SULT2B1: variants seen among roughly 807,000 people sequenced by gnomAD.
The protein encoded by SULT2B1 is sulfotransferase 2B1.
A neutral mutation model predicts 33.2 loss-of-function variants in SULT2B1; 16 were observed. The observed-to-expected ratio is 0.48, with a 90% CI of 0.33 to 0.73. The LOEUF is 0.73. Ranked by LOEUF, SULT2B1 falls within the 30% of genes least tolerant of loss-of-function variation. The pLI, the probability that SULT2B1 is intolerant of heterozygous loss-of-function variation, is 0.02. For missense variants in SULT2B1, 500 were observed against 506.0 expected (o/e 0.99, Z 0.11); for synonymous variants, 186 against 200.5 (o/e 0.93, Z 0.61).
At chr19:48,581,352 CT>C (rs775565403) in intron 2 of SULT2B1, among the ~76,000 whole-genome samples, 67 of 149,666 alleles carry the variant, frequency 4.5e-4, no homozygotes, top group Non-Finnish European at 3.3e-4. Flanking sequence ...CCATATATTC[CT>C]TTTTGTTTGT....
chr19:48,565,295 G>T (rs1051858979), intron 1 of SULT2B1, among the ~76,000 whole-genome samples: 1 of 151,884 alleles, frequency 6.6e-6, no homozygotes, highest in African/African-American at 2.4e-5. Flanking sequence ...AACATTCCAG[G>T]CTGCATATTA....
rs939909569 is a variant in SULT2B1 at position 48,591,601 on chromosome 19, G to C, written c.424-8G>C. 2 of 1,608,756 alleles carry C rather than the reference G, an allele frequency of 1.2e-6. No individual in the cohort carries two copies. Among genetic ancestry groups the C allele is most frequent in the Admixed American group, 3.4e-5 (2 of 59,694 alleles). On this transcript the variant is annotated splice_region_variant and splice_polypyrimidine_tract_variant and intron_variant, in intron 3 of 6. Transcript: ENST00000201586. ...GCCTTCTCCCCTCTCCTCACCATCC[G>C]CACACAGGTGATCTACATGGGCCGC... is the stretch of plus-strand genomic sequence containing the variant.
intron 5 of SULT2B1, among the ~76,000 whole-genome samples, chr19:48,594,088 G>A (rs572605284): frequency 3.0e-4 from 45 of 151,568 alleles, no homozygotes; most frequent in Admixed American, 2.0e-4. Flanking sequence ...GTGAAACCCC[G>A]TCTCTGCTAA....
rs546140616 is a variant in SULT2B1, at chr19:48,599,139, C to T, written c.831C>T (p.Val277=). 8 of 1,577,724 alleles carry T rather than the reference C, an allele frequency of 5.1e-6. No homozygotes were observed. The African/African-American group carries it at 1.1e-4, about 21-fold the overall frequency. Reference sequence around the variant, plus strand: ...CTGGTGCCCCCTCTTCTCCAGGGGTCTGCGGCGACTGGAAGAACCACTTCA... The same window carrying T: ...CTGGTGCCCCCTCTTCTCCAGGGGTTTGCGGCGACTGGAAGAACCACTTCA... ...HRRGAFLRKG[V]CGDWKNHFTV... Residue 277 remains valine, a synonymous_variant, in exon 7 of 7, where the codon GTC becomes GTT. Coordinates refer to ENST00000201586, the MANE Select transcript of SULT2B1 (RefSeq NM_177973.2). This position sits in a 1 kb window ranked among gnomAD's most constrained non-coding sequence, Gnocchi z 4.1.
chr19:48,574,156 C>T (rs568707078), intron 1 of SULT2B1, among the ~76,000 whole-genome samples: 2 of 152,328 alleles, frequency 1.3e-5, no homozygotes, highest in Middle Eastern at 6.8e-3. Context: ...GCCACTGCGC[C>T]CAGCCCTTGA....
chr19:48,589,801 A>C (rs1387626478), intron 3 of SULT2B1, among the ~76,000 whole-genome samples: 1 of 152,176 alleles, frequency 6.6e-6, no homozygotes, highest in Non-Finnish European at 1.5e-5. Context: ...TCTACAAAAA[A>C]GTTTAAAAAT....
intron 2 of SULT2B1, among the ~76,000 whole-genome samples, chr19:48,586,939 C>G (rs1363186853): frequency 2.6e-5 from 4 of 151,828 alleles, no homozygotes; most frequent in Non-Finnish European, 5.9e-5. Flanking sequence ...GGGGAGACCT[C>G]GTCTCTACTA....
intron 2 of SULT2B1, 33 bp downstream of exon 2, chr19:48,576,116 G>A (rs1337182228): frequency 6.4e-7 from 1 of 1,560,734 alleles, no homozygotes; most frequent in Non-Finnish European, 8.8e-7. Context: ...CGGGGGCTGG[G>A]GAGAGTGGGG....
Position 48,577,674 on chromosome 19 carries a change from G to A in SULT2B1, c.214+1591G>A, listed in dbSNP as rs1431781056. ...CCCGGTCAATAAGTAGCATTTAAAT[G>A]ACCAAAGGGAAATAACAAAAACTCT... On this transcript the variant is annotated intron_variant, in intron 2 of 6. Coordinates refer to ENST00000201586, the MANE Select transcript of SULT2B1 (RefSeq NM_177973.2). Among the ~76,000 whole-genome samples, 7 of 151,874 alleles carry A rather than the reference G, an allele frequency of 4.6e-5. No individual in the cohort carries two copies. In the East Asian group the frequency reaches 1.4e-3, roughly 30 times the overall value.
In SULT2B1 at chr19:48,552,210, T is replaced by C; in HGVS notation, c.-43T>C. 6.2e-7 allele frequency: 1 copy of C among 1,600,106 alleles called. No homozygotes were observed. The highest frequency in any genetic ancestry group is 8.5e-7 in the Non-Finnish European group (1 of 1,169,744). Reference sequence around the variant, plus strand: ...GCGCACACCTGGCCTCTGTGCCGCCTGCTCCCTGCTCGTCCTCCCCTCCCC... The same window carrying C: ...GCGCACACCTGGCCTCTGTGCCGCCCGCTCCCTGCTCGTCCTCCCCTCCCC... On this transcript the variant is annotated 5_prime_UTR_variant, in exon 1 of 7. Coordinates refer to ENST00000201586, the MANE Select transcript of SULT2B1 (RefSeq NM_177973.2). This position sits in a 1 kb window ranked among gnomAD's most constrained non-coding sequence, Gnocchi z 4.8.
intron 3 of SULT2B1, among the ~76,000 whole-genome samples, chr19:48,588,603 AAC>A (rs530968953): frequency 0.012 from 1,806 of 149,824 alleles, 37 homozygotes; most frequent in African/African-American, 0.042. Flanking sequence ...TTATATGTTT[AAC>A]ATATAATAAC....
chr19:48,552,564 G>A lies in SULT2B1; in HGVS notation c.71+241G>A, dbSNP rs74845313. Among the ~76,000 whole-genome samples the A allele has an allele frequency of 4.6e-5, 7 of 152,128 alleles. No individual in the cohort carries two copies. Among genetic ancestry groups the A allele is most frequent in the South Asian group, 4.1e-4 (2 of 4,834 alleles). On this transcript the variant is annotated intron_variant, in intron 1 of 6. Transcript: ENST00000201586. The surrounding 1 kb of genome is among the most constrained non-coding windows in gnomAD (Gnocchi z 4.8). The stretch of plus-strand genomic sequence containing the variant: ...TGGGGATGCCTGGGGTGTCCCTGTC[G>A]CTCTCCGGGCCTCAGTTTTTCTGTC...
chr19:48,581,887 ATTATATTATTATTATTAT>A lies in SULT2B1; in HGVS notation c.215-5340_215-5323del, dbSNP rs1242746302. The stretch of plus-strand genomic sequence containing the variant: ...TCTCAGAGTATGTTTTATTATTATT[ATTATATTATTATTATTAT>A]TATTATTATTATTATTAGAGATGAA... On this transcript the variant is annotated intron_variant, in intron 2 of 6. Transcript: ENST00000201586. Among the ~76,000 whole-genome samples the A allele has an allele frequency of 3.2e-4, 33 of 104,568 alleles. No homozygotes were observed. In the South Asian group the frequency reaches 5.0e-3, roughly 16 times the overall value. The allele number at this position is 104,568 out of a possible 152,430, so 68.6% of individuals were successfully genotyped here. A position where few individuals can be genotyped will look rare whatever the true frequency, so the allele number is the denominator to read the frequency against.
At chr19:48,571,204 TTTATTTA>T in intron 1 of SULT2B1, among the ~76,000 whole-genome samples, 1 of 82,754 alleles carries the variant, frequency 1.2e-5, no homozygotes, top group Middle Eastern at 5.5e-3. Flanking sequence ...TATTTATTTA[TTTATTTA>T]TTTTGAGATG....
At position 48,575,959 on chromosome 19, in the gene SULT2B1, A is replaced by G. The variant is rs1973399285; in HGVS notation, c.90A>G (p.Glu30=). ...TCCACAGCCAGAAGTTGCCAGGTGA[A>G]TACTTCCGGTACAAGGGCGTCCCCT... ...ISEISQKLPG[E]YFRYKGVPFP... is the part of the protein sequence containing the mutation. Residue 30 remains glutamate (E), a synonymous_variant, in exon 2 of 7, where the codon GAA becomes GAG. Coordinates refer to ENST00000201586, the MANE Select transcript of SULT2B1 (RefSeq NM_177973.2). 1 of 1,613,088 alleles carries G rather than the reference A, an allele frequency of 6.2e-7. No homozygotes were observed. The highest frequency in any genetic ancestry group is 8.5e-7 in the Non-Finnish European group (1 of 1,179,304).
intron 1 of SULT2B1, among the ~76,000 whole-genome samples, chr19:48,567,112 C>G (rs1973254675): frequency 6.6e-6 from 1 of 152,130 alleles, no homozygotes; most frequent in Non-Finnish European, 1.5e-5. Flanking sequence ...TTTCCAGGTC[C>G]AGACTCATTT....
chr19:48,592,505 G>A (rs1973655668), intron 4 of SULT2B1, among the ~76,000 whole-genome samples: 1 of 152,172 alleles, frequency 6.6e-6, no homozygotes, highest in African/African-American at 2.4e-5. Context: ...TGGATGGACA[G>A]ATAGACAAAG....
intron 1 of SULT2B1, among the ~76,000 whole-genome samples, chr19:48,564,394 A>C (rs1030347216): frequency 8.0e-5 from 12 of 150,634 alleles, no homozygotes; most frequent in Non-Finnish European, 1.8e-4. Context: ...TCTACTAAAA[A>C]TACAAAAAAT....
At chr19:48,598,472 A>G (rs770128040) in intron 6 of SULT2B1, among the ~76,000 whole-genome samples, 2 of 152,054 alleles carry the variant, frequency 1.3e-5, no homozygotes, top group African/African-American at 2.4e-5. Context: ...CGTGCCTGTA[A>G]TCCCAGTTAC....
Sources: gnomAD v4.1 joint callset for allele counts (sites outside exome capture counted in the v4.1 genomes callset) on GRCh38, gnomAD v4.1.1 for gene constraint, Gnocchi (gnomAD v3.1) non-coding constraint, MANE v1.5 for transcripts, NCBI Gene and HGNC (gene_info 2026-07-23, HGNC 2026-07-21) for gene names.